SF3B1: variants seen among roughly 807,000 people sequenced by gnomAD.
SF3B1 encodes the protein splicing factor 3b subunit 1.
In SF3B1, 12 loss-of-function variants were observed where a neutral mutation model predicts 153.8. The observed-to-expected ratio is 0.08, with a 90% CI of 0.05 to 0.13. The LOEUF is 0.13. Among genes scored for constraint, SF3B1 ranks in the 10% least tolerant of loss-of-function variants. The probability of loss-of-function intolerance (pLI) is 1.00; values close to 1 mark genes in which losing one functional copy is unlikely to be tolerated. For missense variants in SF3B1, 513 were observed against 1,606.1 expected (o/e 0.32, Z 11.63); for synonymous variants, 498 against 525.2 (o/e 0.95, Z 0.71).
In SF3B1 at chr2:197,416,917, A is replaced by G. The variant is rs556536865; in HGVS notation, c.496-6T>C. Reference sequence around the variant, plus strand: ...AGCTGTTGCCTAATTTCTCGCTGAAAAAAACAGTGAGTATTTACCTTTAAA... The same window carrying G: ...AGCTGTTGCCTAATTTCTCGCTGAAGAAAACAGTGAGTATTTACCTTTAAA... On this transcript the variant is annotated splice_polypyrimidine_tract_variant and splice_region_variant and intron_variant, in intron 5 of 24. Transcript: ENST00000335508. The G allele has an allele frequency of 2.5e-6, 4 of 1,610,358 alleles. No homozygotes were observed. The African/African-American group carries it at 5.3e-5, about 22-fold the overall frequency.
chr2:197,397,183 T>C (rs1045760253), intron 22 of SF3B1, among the ~76,000 whole-genome samples: 1 of 152,192 alleles, frequency 6.6e-6, no homozygotes, highest in African/African-American at 2.4e-5. Flanking sequence ...TGTTGTTTTT[T>C]TTAGAGACAG....
chr2:197,424,098 A>G, intron 1 of SF3B1, 124 bp from the exon 2 acceptor site: 1 of 824,796 alleles, frequency 1.2e-6, no homozygotes, highest in Non-Finnish European at 1.9e-6. Flanking sequence ...CAATAATTGC[A>G]CCATATAAGA....
intron 24 of SF3B1, 57 bp from the exon 25 acceptor site, chr2:197,392,518 C>T (rs759440501): frequency 3.9e-6 from 2 of 510,918 alleles, no homozygotes; most frequent in Non-Finnish European, 6.0e-6. Flanking sequence ...ATAACCTTAA[C>T]AAAATTAAGA....
chr2:197,415,238 A>G (rs1574541872), intron 6 of SF3B1, among the ~76,000 whole-genome samples: 1 of 150,938 alleles, frequency 6.6e-6, no homozygotes, highest in East Asian at 1.9e-4. Context: ...GCATAAGCAA[A>G]AGAGTAGCTT....
At chr2:197,393,274 A>G (rs1574521674) in intron 23 of SF3B1, 86 bp from the exon 24 acceptor site, 1 of 854,952 alleles carries the variant, frequency 1.2e-6, no homozygotes, top group East Asian at 2.6e-5. Flanking sequence ...TTAGTTTTAC[A>G]GGAAATATTC....
intron 3 of SF3B1, 47 bp downstream of exon 3, chr2:197,420,979 ATTC>A: frequency 8.7e-7 from 1 of 1,145,490 alleles, no homozygotes; most frequent in Non-Finnish European, 1.3e-6. Context: ...GAACTCAGAC[ATTC>A]ACTTTTCTTT....
In SF3B1 at chr2:197,403,687, C is replaced by A; in HGVS notation, c.1617G>T (p.Leu539=). Reference sequence around the variant, plus strand: ...CTTGATCCTCAAGTGTAGGAGACATCAGCAGAGGAAGAATCTGATTAAACA... The same window carrying A: ...CTTGATCCTCAAGTGTAGGAGACATAAGCAGAGGAAGAATCTGATTAAACA... The part of the protein sequence containing the change: ...GPLFNQILPL[L]MSPTLEDQER... The change falls in exon 12 of 25, where the codon CTG becomes CTT. Residue 539 remains leucine, a synonymous_variant. Coordinates refer to ENST00000335508, the MANE Select transcript of SF3B1 (RefSeq NM_012433.4). 6.3e-7 allele frequency: 1 copy of A among 1,599,364 alleles called. No homozygotes were observed.
intron 11 of SF3B1, 133 bp downstream of exon 11, chr2:197,404,943 T>C (rs1559267019): frequency 5.0e-6 from 3 of 599,806 alleles, no homozygotes; most frequent in Non-Finnish European, 5.9e-6. Context: ...CTTTGGGAGG[T>C]AGGCCAAAGC....
chr2:197,391,239 CTTA>C lies in SF3B1; in HGVS notation c.*1061_*1063del, dbSNP rs768602710. The C allele has an allele frequency of 5.3e-5, 8 of 152,212 alleles. No homozygotes were observed. The highest frequency in any genetic ancestry group is 2.0e-4 in the Admixed American group (3 of 15,274). The allele number at this position is 152,212 out of a possible 1,614,324, so 9.4% of individuals were successfully genotyped here. On this transcript the variant is annotated 3_prime_UTR_variant, in exon 25 of 25. Coordinates refer to ENST00000335508, the MANE Select transcript of SF3B1 (RefSeq NM_012433.4). Reference sequence around the variant, plus strand: ...AGTTTATGCTGAACTCTTAGATCAACTTATTATTACTGAATACAAAGCTAAGCA... The same window carrying C: ...AGTTTATGCTGAACTCTTAGATCAACTTATTACTGAATACAAAGCTAAGCA...
Position 197,401,829 on chromosome 2 carries a change from A to G in SF3B1, c.2283T>C (p.Tyr761=). The G allele has an allele frequency of 6.2e-7, 1 of 1,612,352 alleles. No individual in the cohort carries two copies. Among genetic ancestry groups the G allele is most frequent in the South Asian group, 1.1e-5 (1 of 90,700 alleles). Residue 761 remains tyrosine, a synonymous_variant, in exon 16 of 25, where the codon TAT becomes TAC. Coordinates refer to ENST00000335508, the MANE Select transcript of SF3B1 (RefSeq NM_012433.4). This position sits in a 1 kb window ranked among gnomAD's most constrained non-coding sequence, Gnocchi z 4.2. ...TCACTTCTCTAGTATAGTAGTTGGCATATTCTGCATCCATAAGAGGAATAA... is the reference window on the plus strand; with the variant it reads ...TCACTTCTCTAGTATAGTAGTTGGCGTATTCTGCATCCATAAGAGGAATAA... The part of the protein sequence containing the change: ...GYLIPLMDAE[Y]ANYYTREVML...
intron 9 of SF3B1, among the ~76,000 whole-genome samples, chr2:197,407,233 A>T (rs999761522): frequency 6.6e-6 from 1 of 152,220 alleles, no homozygotes; most frequent in African/African-American, 2.4e-5. Flanking sequence ...ACGACCACAG[A>T]CTATCTTCAG....
In SF3B1 at chr2:197,398,135, A is replaced by G. The variant is rs2084897010; in HGVS notation, c.3135-19T>C. ...AGCTCCCCTAATTTAAAAAATACAC[A>G]TATTAATTATTGTGACATTAAGAAA... On this transcript the variant is annotated intron_variant, in intron 21 of 24. Transcript: ENST00000335508. 24 of 1,574,446 alleles carry G rather than the reference A, an allele frequency of 1.5e-5. No individual in the cohort carries two copies. Among genetic ancestry groups the G allele is most frequent in the Non-Finnish European group, 1.9e-5 (22 of 1,152,624 alleles).
chr2:197,393,266 A>C (rs2084834585), intron 23 of SF3B1, 78 bp from the exon 24 acceptor site: 1 of 903,752 alleles, frequency 1.1e-6, no homozygotes. Context: ...ATACAGTCTT[A>C]GTTTTACAGG....
At position 197,400,201 on chromosome 2, in the gene SF3B1, T is replaced by C. The variant is rs1375720015; in HGVS notation, c.2902-35A>G. ...AACAAATAATGTTAAAATGTTACTA[T>C]TTACATTAAACTATTTGGGGAAGAA... is the stretch of plus-strand genomic sequence containing the variant. On this transcript the variant is annotated intron_variant, in intron 19 of 24. Coordinates refer to ENST00000335508, the MANE Select transcript of SF3B1 (RefSeq NM_012433.4). The surrounding 1 kb of genome is among the most constrained non-coding windows in gnomAD (Gnocchi z 5.0). 3 of 1,609,210 alleles carry C rather than the reference T, an allele frequency of 1.9e-6. No homozygotes were observed. The highest frequency in any genetic ancestry group is 2.7e-5 in the African/African-American group (2 of 74,766).
In SF3B1 at chr2:197,400,383, G is replaced by C; in HGVS notation, c.2770C>G (p.Arg924Gly). ...ATCTGAGGCAAGTATGGTTTGACTC[G>C]TTTGCCAAGAGCATTAACCACTGTG... ...FGTVVNALGK[R>G]VKPYLPQICG... The change falls in exon 19 of 25, where the codon CGA (arginine) becomes GGA (glycine). Residue 924 changes from arginine (R) to glycine (G), a missense_variant. Physicochemically the swap from Arg to Gly is moderately radical, Grantham distance 125. This residue lies in a region of SF3B1 where 20 missense variants were observed against 90.4 expected (regional missense o/e 0.22). Transcript: ENST00000335508. This position sits in a 1 kb window ranked among gnomAD's most constrained non-coding sequence, Gnocchi z 5.0. 1 of 1,613,748 alleles carries C rather than the reference G, an allele frequency of 6.2e-7. No individual in the cohort carries two copies.
chr2:197,392,974 G>T lies in SF3B1; in HGVS notation c.3754C>A (p.Gln1252Lys). ...GPCRMLQYCL[Q>K]GLFHPARKVR... Reference sequence around the variant, plus strand: ...TAAAAAAAAAATCTTTAACTTACCTGTAAACAATATTGCAACATTCTACAT... The same window carrying T: ...TAAAAAAAAAATCTTTAACTTACCTTTAAACAATATTGCAACATTCTACAT... The change falls in exon 24 of 25, where the codon CAG (glutamine) becomes AAG (lysine). Residue 1252 changes from glutamine (Q) to lysine (K), a missense_variant and splice_region_variant. Coordinates refer to ENST00000335508, the MANE Select transcript of SF3B1 (RefSeq NM_012433.4). The T allele has an allele frequency of 6.3e-7, 1 of 1,578,904 alleles. No individual in the cohort carries two copies. The highest frequency in any genetic ancestry group is 8.7e-7 in the Non-Finnish European group (1 of 1,152,422).
Position 197,405,184 on chromosome 2 carries a change from T to G in SF3B1, c.1438-7A>C, listed in dbSNP as rs1476669272. On this transcript the variant is annotated splice_region_variant and splice_polypyrimidine_tract_variant and intron_variant, in intron 10 of 24. Transcript: ENST00000335508. ...TTGATTCATCAACATCAACCTATAGTAAAAAGAAAAAAATGTTAAGGGAAG... is the reference window on the plus strand; with the variant it reads ...TTGATTCATCAACATCAACCTATAGGAAAAAGAAAAAAATGTTAAGGGAAG... 1 of 1,604,820 alleles carries G rather than the reference T, an allele frequency of 6.2e-7. No homozygotes were observed. The highest frequency in any genetic ancestry group is 8.5e-7 in the Non-Finnish European group (1 of 1,174,088).
intron 20 of SF3B1, among the ~76,000 whole-genome samples, chr2:197,399,408 A>G (rs1268415335): frequency 1.3e-5 from 2 of 152,194 alleles, no homozygotes; most frequent in Non-Finnish European, 2.9e-5. Context: ...GGCAACAGTT[A>G]TAATCAATTT....
Position 197,400,578 on chromosome 2 carries a change from T to C in SF3B1, c.2718+137A>G, listed in dbSNP as rs2084927857. On this transcript the variant is annotated intron_variant, in intron 18 of 24. Coordinates refer to ENST00000335508, the MANE Select transcript of SF3B1 (RefSeq NM_012433.4). The surrounding 1 kb of genome is among the most constrained non-coding windows in gnomAD (Gnocchi z 5.0). ...AATCTTAAAACTTGAGGTAGAATAA[T>C]ATCGTTTGGTAACCCCCTGAGCATT... 3 of 988,644 alleles carry C rather than the reference T, an allele frequency of 3.0e-6. No homozygotes were observed. Among genetic ancestry groups the C allele is most frequent in the Admixed American group, 5.6e-5 (2 of 35,904 alleles). The allele number at this position is 988,644 out of a possible 1,614,324, so 61.2% of individuals were successfully genotyped here.
Sources: allele counts gnomAD v4.1 joint callset (sites outside exome capture counted in the v4.1 genomes callset), GRCh38; gene constraint gnomAD v4.1.1; regional missense constraint gnomAD v4.1.1; non-coding constraint Gnocchi (gnomAD v3.1); transcripts MANE v1.5; gene names NCBI Gene and HGNC (gene_info 2026-07-23, HGNC 2026-07-21).